Variants in ARID2 observed in about 807,000 individuals in gnomAD.
The protein encoded by ARID2 is AT-rich interactive domain-containing protein 2.
In ARID2, 32 loss-of-function variants were observed where a neutral mutation model predicts 184.6. The observed-to-expected ratio is 0.17, with a 90% CI of 0.13 to 0.23. The LOEUF (loss-of-function observed/expected upper bound fraction) is 0.23. Ranked by LOEUF, ARID2 falls within the 10% of genes least tolerant of loss-of-function variation. ARID2 has a pLI of 1.00. For missense variants in ARID2, 1,696 were observed against 2,197.6 expected (o/e 0.77, Z 4.56); for synonymous variants, 836 against 772.6 (o/e 1.08, Z -1.36).
chr12:45,803,289 T>G (rs929401766), intron 3 of ARID2, among the ~76,000 whole-genome samples: 4 of 152,194 alleles, frequency 2.6e-5, no homozygotes, highest in Non-Finnish European at 5.9e-5. Context: ...TCCTTGTTTC[T>G]TCAACTCTTC....
chr12:45,785,537 G>T (rs2138044923), intron 3 of ARID2, among the ~76,000 whole-genome samples: 1 of 152,070 alleles, frequency 6.6e-6, no homozygotes, highest in South Asian at 2.1e-4. Context: ...ACGCCCCTGG[G>T]TTAGTGGAAA....
At chr12:45,823,130 G>A (rs538163393) in intron 6 of ARID2, among the ~76,000 whole-genome samples, 6 of 151,794 alleles carry the variant, frequency 4.0e-5, no homozygotes, top group East Asian at 1.9e-4. Flanking sequence ...TTCTTATATC[G>A]CAATGGAATA....
chr12:45,861,725 C>T (rs539127415), intron 16 of ARID2, among the ~76,000 whole-genome samples: 2 of 151,776 alleles, frequency 1.3e-5, no homozygotes, highest in Non-Finnish European at 2.9e-5. Context: ...GCTGGGATTA[C>T]AGGCATGTGC....
intron 3 of ARID2, among the ~76,000 whole-genome samples, chr12:45,777,414 G>C (rs1942005375): frequency 6.6e-6 from 1 of 152,062 alleles, no homozygotes; most frequent in African/African-American, 2.4e-5. Context: ...TGAGATGATA[G>C]TGTATTGTGT....
chr12:45,873,617 C>T (rs1943960277), intron 16 of ARID2, among the ~76,000 whole-genome samples: 2 of 152,048 alleles, frequency 1.3e-5, no homozygotes, highest in South Asian at 2.1e-4. Context: ...TCCAGATCAC[C>T]ACAAGAAGGC....
Position 45,905,302 on chromosome 12 carries a change from C to A in ARID2, c.*224C>A. 2.4e-6 allele frequency: 1 copy of A among 409,502 alleles called. No homozygotes were observed. The highest frequency in any genetic ancestry group is 4.3e-6 in the Non-Finnish European group (1 of 234,244). 25.4% of individuals were successfully genotyped at this position (409,502 alleles called of 1,614,324 possible). A position where few individuals can be genotyped will look rare whatever the true frequency, so the allele number is the denominator to read the frequency against. On this transcript the variant is annotated 3_prime_UTR_variant, in exon 21 of 21. Coordinates refer to ENST00000334344, the MANE Select transcript of ARID2 (RefSeq NM_152641.4). ...AAAAAGGAAAAAAAAAAAAGAACTG[C>A]TGTGGGATTGTCAACCAGCTTATCT...
chr12:45,897,587 T>A (rs370455414), intron 20 of ARID2, among the ~76,000 whole-genome samples: 11 of 152,220 alleles, frequency 7.2e-5, no homozygotes, highest in Middle Eastern at 3.2e-3. Context: ...ACCTGTTTCA[T>A]TCAGCAGTCC....
At chr12:45,806,131 A>C (rs573116542) in intron 3 of ARID2, among the ~76,000 whole-genome samples, 14 of 152,216 alleles carry the variant, frequency 9.2e-5, no homozygotes, top group African/African-American at 2.6e-4. Flanking sequence ...CTTTCTTCTC[A>C]AACTCTGTTC....
intron 3 of ARID2, among the ~76,000 whole-genome samples, chr12:45,734,198 G>A (rs112664219): frequency 2.0e-5 from 3 of 151,944 alleles, no homozygotes; most frequent in South Asian, 2.1e-4. Flanking sequence ...GTGAAACCCC[G>A]TGTCTACCAA....
chr12:45,853,199 T>C (rs1376692806), intron 15 of ARID2, among the ~76,000 whole-genome samples: 2 of 152,186 alleles, frequency 1.3e-5, no homozygotes, highest in Admixed American at 6.5e-5. Flanking sequence ...CTTAATCTCC[T>C]TTTTGAGTTT....
chr12:45,874,814 G>C (rs956502186), intron 16 of ARID2, among the ~76,000 whole-genome samples: 2 of 152,306 alleles, frequency 1.3e-5, no homozygotes, highest in African/African-American at 2.4e-5. Flanking sequence ...AGCAGCTATA[G>C]CCTTAAGGAA....
Position 45,837,571 on chromosome 12 carries a change from T to G in ARID2, c.1194T>G (p.Asp398Glu). 1 of 1,614,090 alleles carries G rather than the reference T, an allele frequency of 6.2e-7. No individual in the cohort carries two copies. Among genetic ancestry groups the G allele is most frequent in the Non-Finnish European group, 8.5e-7 (1 of 1,179,984 alleles). ...TAATTTGTGAATATGTGGATCAGGA[T>G]TCCTACAGAGAGATCATTTGTCATC... ...GVLICEYVDQ[D>E]SYREIICHLT... is the part of the protein sequence containing the mutation. The change falls in exon 10 of 21, where the codon GAT (aspartate) becomes GAG (glutamate). Residue 398 changes from aspartate (D) to glutamate (E), a missense_variant. Asp to Glu is a conservative substitution (Grantham distance 45). Transcript: ENST00000334344.
intron 20 of ARID2, among the ~76,000 whole-genome samples, chr12:45,895,110 C>T (rs1257832092): frequency 2.0e-5 from 3 of 152,172 alleles, no homozygotes; most frequent in Non-Finnish European, 2.9e-5. Flanking sequence ...ATTTTTATAA[C>T]ATGTCTGTCT....
rs1013864992 is a variant in ARID2, at chr12:45,864,534, A to AC, written c.4922+3586dup. ...GCAAGTTTTTGTTGAAAAAAAAAAA[A>AC]CAGGTTAATTTGTCCTATAGAGCAT... On this transcript the variant is annotated intron_variant, in intron 16 of 20. Coordinates refer to ENST00000334344, the MANE Select transcript of ARID2 (RefSeq NM_152641.4). 1.5e-4 allele frequency among the ~76,000 whole-genome samples: 22 copies of AC among 151,094 alleles called. No homozygotes were observed. In the South Asian group the frequency reaches 1.5e-3, roughly 10 times the overall value.
intron 3 of ARID2, among the ~76,000 whole-genome samples, chr12:45,736,356 G>GAAA (rs201995453): frequency 5.0e-5 from 6 of 120,632 alleles, no homozygotes; most frequent in Non-Finnish European, 1.1e-4. Flanking sequence ...GACTCCGTCT[G>GAAA]AAAAAAAAAA....
chr12:45,812,012 T>C (rs1179122736), intron 4 of ARID2, among the ~76,000 whole-genome samples: 1 of 151,952 alleles, frequency 6.6e-6, no homozygotes, highest in African/African-American at 2.4e-5. Flanking sequence ...TTGTCATGCT[T>C]GTAATGGTTA....
chr12:45,906,057 T>G lies in ARID2; in HGVS notation c.*979T>G, dbSNP rs73292551. The G allele has an allele frequency of 4.3e-6, 1 of 231,874 alleles. No homozygotes were observed. The highest frequency in any genetic ancestry group is 8.5e-6 in the Non-Finnish European group (1 of 117,370). The allele number at this position is 231,874 out of a possible 1,614,324, so 14.4% of individuals were successfully genotyped here. A position where few individuals can be genotyped will look rare whatever the true frequency, so the allele number is the denominator to read the frequency against. ...TTTTAGAAGAAAAACTATTTGAAGG[T>G]ATTTTTTGGTTTTCCTTAACATGTA... On this transcript the variant is annotated 3_prime_UTR_variant, in exon 21 of 21. Coordinates refer to ENST00000334344, the MANE Select transcript of ARID2 (RefSeq NM_152641.4).
intron 15 of ARID2, among the ~76,000 whole-genome samples, chr12:45,856,638 A>G (rs1943656178): frequency 6.6e-6 from 1 of 152,198 alleles, no homozygotes; most frequent in Non-Finnish European, 1.5e-5. Flanking sequence ...GCAACAAGTA[A>G]TCCTTTCTAA....
intron 12 of ARID2, among the ~76,000 whole-genome samples, chr12:45,847,350 C>G (rs1943461637): frequency 6.6e-6 from 1 of 152,020 alleles, no homozygotes; most frequent in Non-Finnish European, 1.5e-5. Context: ...AATGTCTCTT[C>G]TCTTCCATCT....
Sources: gnomAD v4.1 joint callset for allele counts (sites outside exome capture counted in the v4.1 genomes callset) on GRCh38, gnomAD v4.1.1 for gene constraint, MANE v1.5 for transcripts, NCBI Gene and HGNC (gene_info 2026-07-23, HGNC 2026-07-21) for gene names.